NAV3: variants seen among roughly 807,000 people sequenced by gnomAD.
NAV3 encodes the protein neuron navigator 3.
In NAV3, 87 loss-of-function variants were observed where a neutral mutation model predicts 244.7. The observed-to-expected ratio is 0.36, with a 90% confidence interval of 0.30 to 0.42. The LOEUF is 0.42. Ranked by LOEUF, NAV3 falls within the 20% of genes least tolerant of loss-of-function variation. The pLI, the probability that NAV3 is intolerant of heterozygous loss-of-function variation, is 1.00. For missense variants in NAV3, 2,663 were observed against 2,893.3 expected (o/e 0.92, Z 1.83); for synonymous variants, 1,126 against 1,042.2 (o/e 1.08, Z -1.55).
In NAV3 at chr12:77,697,367, A is replaced by G. The variant is rs77803923; in HGVS notation, c.72+125101A>G. On this transcript the variant is annotated intron_variant, in intron 2 of 8. Coordinates refer to the NAV3 transcript ENST00000550042. ...ACTAACTGCCTAAGCACAGTGGCTG[A>G]AAGCACAGATGTTAGAGTAAGACAG... Among the ~76,000 whole-genome samples the G allele has an allele frequency of 3.0e-3, 464 of 152,296 alleles. 16 individuals carry two copies. In the East Asian group the frequency reaches 0.074, roughly 24 times the overall value.
chr12:77,744,319 A>G (rs1036770535), intron 2 of NAV3, among the ~76,000 whole-genome samples: 1 of 152,026 alleles, frequency 6.6e-6, no homozygotes, highest in Non-Finnish European at 1.5e-5. Flanking sequence ...CTATGAGACA[A>G]GGAAAGATTT....
chr12:77,673,864 G>C (rs560583244), intron 2 of NAV3, among the ~76,000 whole-genome samples: 1 of 152,158 alleles, frequency 6.6e-6, no homozygotes, highest in East Asian at 1.9e-4. Context: ...GCTTTTTAAA[G>C]TGGTAATTGA....
At chr12:77,848,509 A>T (rs553792379) in intron 1 of NAV3, among the ~76,000 whole-genome samples, 1 of 152,364 alleles carries the variant, frequency 6.6e-6, no homozygotes, top group East Asian at 1.9e-4. Context: ...GGAAAAATCT[A>T]TGAGAAGTCC....
At chr12:77,666,568 T>G (rs1873726806) in intron 2 of NAV3, among the ~76,000 whole-genome samples, 1 of 152,214 alleles carries the variant, frequency 6.6e-6, no homozygotes, top group Non-Finnish European at 1.5e-5. Context: ...ATTCAAAGAT[T>G]GTAAAGCAAT....
chr12:78,201,510 T>C (rs1959699633), intron 38 of NAV3, among the ~76,000 whole-genome samples: 1 of 152,004 alleles, frequency 6.6e-6, no homozygotes, highest in Non-Finnish European at 1.5e-5. Flanking sequence ...GTGCCTTCTA[T>C]CTTGAGGCCC....
intron 23 of NAV3, among the ~76,000 whole-genome samples, chr12:78,159,640 G>A (rs998448398): frequency 3.3e-5 from 5 of 152,040 alleles, no homozygotes; most frequent in Non-Finnish European, 7.4e-5. Context: ...CTGCACTCCA[G>A]CCTGGGAGAC....
chr12:77,931,373 A>C (rs1196383657), intron 1 of NAV3, among the ~76,000 whole-genome samples: 1 of 141,834 alleles, frequency 7.1e-6, no homozygotes, highest in East Asian at 2.2e-4. Context: ...TTTCTTCTGC[A>C]TCCGCTGAGG....
intron 12 of NAV3, among the ~76,000 whole-genome samples, chr12:78,095,476 T>C (rs1954202051): frequency 6.6e-6 from 1 of 152,254 alleles, no homozygotes; most frequent in Admixed American, 6.5e-5. Context: ...AGGTAAACAA[T>C]GGGAAACGAG....
intron 5 of NAV3, among the ~76,000 whole-genome samples, chr12:77,991,512 A>G (rs1871434430): frequency 2.0e-5 from 3 of 152,198 alleles, no homozygotes; most frequent in Admixed American, 1.3e-4. Context: ...TAGAGATTTA[A>G]TATGTGTCTA....
intron 2 of NAV3, among the ~76,000 whole-genome samples, chr12:77,741,383 C>T (rs941770054): frequency 2.0e-5 from 3 of 151,966 alleles, no homozygotes; most frequent in Non-Finnish European, 4.4e-5. Flanking sequence ...TTATTTTTTA[C>T]ATACATTTTA....
At chr12:77,969,163 TG>T (rs1892781369) in intron 5 of NAV3, among the ~76,000 whole-genome samples, 1 of 151,806 alleles carries the variant, frequency 6.6e-6, no homozygotes, top group South Asian at 2.1e-4. Flanking sequence ...TGTGTGTGTG[TG>T]TGTGTGCATG....
At chr12:78,016,949 C>T (rs1369553969) in intron 8 of NAV3, among the ~76,000 whole-genome samples, 12 of 152,018 alleles carry the variant, frequency 7.9e-5, no homozygotes, top group Non-Finnish European at 1.3e-4. Flanking sequence ...GCTAAGGGAA[C>T]CTCAAATGCA....
intron 9 of NAV3, among the ~76,000 whole-genome samples, chr12:78,048,652 C>G (rs1012743692): frequency 6.6e-6 from 1 of 152,200 alleles, no homozygotes; most frequent in East Asian, 1.9e-4. Flanking sequence ...AGGAGTCTAT[C>G]AACACCTGCT....
chr12:77,768,785 C>T (rs772957640), intron 2 of NAV3, among the ~76,000 whole-genome samples: 32 of 152,348 alleles, frequency 2.1e-4, no homozygotes, highest in African/African-American at 7.0e-4. Context: ...AGGCAGGGCT[C>T]CTGCCTGTTC....
intron 2 of NAV3, among the ~76,000 whole-genome samples, chr12:77,703,905 G>T (rs1277067603): frequency 6.6e-6 from 1 of 152,146 alleles, no homozygotes; most frequent in Non-Finnish European, 1.5e-5. Flanking sequence ...CACTGATTGT[G>T]TTTTTAATAT....
intron 2 of NAV3, among the ~76,000 whole-genome samples, chr12:77,581,168 A>G (rs1042530403): frequency 7.2e-5 from 11 of 152,218 alleles, no homozygotes; most frequent in Admixed American, 7.2e-4. Flanking sequence ...TGGAAAATTT[A>G]CTATGAATTT....
intron 2 of NAV3, among the ~76,000 whole-genome samples, chr12:77,657,954 A>G (rs1175159968): frequency 3.3e-5 from 5 of 152,222 alleles, no homozygotes; most frequent in Non-Finnish European, 5.9e-5. Flanking sequence ...GATGGGATGT[A>G]TCTCAAAATA....
chr12:77,620,698 G>T (rs1231802596), intron 2 of NAV3, among the ~76,000 whole-genome samples: 1 of 152,032 alleles, frequency 6.6e-6, no homozygotes, highest in Non-Finnish European at 1.5e-5. Flanking sequence ...CTGACCTCAG[G>T]TGATCCACCC....
intron 1 of NAV3, among the ~76,000 whole-genome samples, chr12:77,873,773 T>TATATATATATATATATATATATAA (rs762527287): frequency 5.4e-5 from 7 of 128,622 alleles, no homozygotes; most frequent in African/African-American, 2.0e-4. Context: ...TATATGTATA[T>TATATATATATATATATATATATAA]AACAGCATAT....
Sources: allele counts gnomAD v4.1 joint callset (sites outside exome capture counted in the v4.1 genomes callset), GRCh38; gene constraint gnomAD v4.1.1; transcripts MANE v1.5; gene names NCBI Gene and HGNC (gene_info 2026-07-23, HGNC 2026-07-21).